Variants in ZFPM2 observed in about 807,000 individuals in gnomAD.
ZFPM2 encodes the protein zinc finger protein, FOG family member 2.
In ZFPM2, 20 loss-of-function variants were observed where a neutral mutation model predicts 98.6. The observed-to-expected ratio is 0.20, with a 90% confidence interval of 0.14 to 0.29. ZFPM2 has a LOEUF of 0.29. Among genes scored for constraint, ZFPM2 ranks in the 10% least tolerant of loss-of-function variants. ZFPM2 has a pLI of 1.00. For missense variants in ZFPM2, 1,310 were observed against 1,388.6 expected (o/e 0.94, Z 0.90); for synonymous variants, 518 against 502.7 (o/e 1.03, Z -0.41).
chr8:105,496,391 C>A (rs893032956), intron 3 of ZFPM2, among the ~76,000 whole-genome samples: 2 of 152,026 alleles, frequency 1.3e-5, no homozygotes, highest in South Asian at 2.1e-4. Context: ...TTTCAAGACA[C>A]TTTTGGAGAG....
intron 2 of ZFPM2, among the ~76,000 whole-genome samples, chr8:105,435,328 T>C (rs982768393): frequency 5.9e-5 from 9 of 152,214 alleles, no homozygotes; most frequent in African/African-American, 2.2e-4. Context: ...TTTATTCCAT[T>C]TCATCATTTT....
chr8:105,437,168 T>G (rs1053934173), intron 2 of ZFPM2, among the ~76,000 whole-genome samples: 2 of 152,188 alleles, frequency 1.3e-5, no homozygotes, highest in African/African-American at 4.8e-5. Flanking sequence ...TTACCTAGTT[T>G]TATAAGTTGC....
intron 3 of ZFPM2, among the ~76,000 whole-genome samples, chr8:105,556,027 C>A (rs555462648): frequency 1.3e-4 from 20 of 152,240 alleles, no homozygotes; most frequent in Admixed American, 6.5e-4. Context: ...AAAATTCAGG[C>A]AGATATGTTC....
intron 5 of ZFPM2, among the ~76,000 whole-genome samples, chr8:105,667,264 A>C (rs1304066774): frequency 6.6e-6 from 1 of 152,174 alleles, no homozygotes. Flanking sequence ...GCTTTCCAAT[A>C]CTTGAAAGTT....
intron 5 of ZFPM2, among the ~76,000 whole-genome samples, chr8:105,723,275 G>A (rs1811714074): frequency 6.6e-6 from 1 of 151,804 alleles, no homozygotes; most frequent in Non-Finnish European, 1.5e-5. Context: ...TTGATTGTTT[G>A]GGGCTTGATG....
intron 1 of ZFPM2, among the ~76,000 whole-genome samples, chr8:105,343,587 C>G (rs183824779): frequency 6.6e-6 from 1 of 152,264 alleles, no homozygotes; most frequent in Admixed American, 6.5e-5. Context: ...ACTGAAAGCA[C>G]TTTTGAGCTC....
intron 1 of ZFPM2, among the ~76,000 whole-genome samples, chr8:105,407,062 G>A (rs1408919851): frequency 6.6e-6 from 1 of 151,572 alleles, no homozygotes; most frequent in Non-Finnish European, 1.5e-5. Flanking sequence ...GAAAGCATAG[G>A]GCCACAGCTG....
intron 5 of ZFPM2, among the ~76,000 whole-genome samples, chr8:105,754,253 T>G (rs1812544833): frequency 6.6e-6 from 1 of 152,086 alleles, no homozygotes. Context: ...TCATTTCTAT[T>G]GATGAGAGGA....
chr8:105,440,156 C>A (rs904806595), intron 2 of ZFPM2, among the ~76,000 whole-genome samples: 1 of 152,108 alleles, frequency 6.6e-6, no homozygotes, highest in Non-Finnish European at 1.5e-5. Flanking sequence ...CTAGTACTTG[C>A]TACCCTTTCT....
Position 105,436,310 on chromosome 8 carries a change from G to A in ZFPM2, c.200-7970G>A, listed in dbSNP as rs1337605694. 1.2e-4 allele frequency among the ~76,000 whole-genome samples: 18 copies of A among 151,958 alleles called. No individual in the cohort carries two copies. In the East Asian group the frequency reaches 1.9e-3, roughly 16 times the overall value. ...TGAAGCAGGCTGGTCACCTGAGGTC[G>A]GGAGTTCGAGACCAGCCTGACCAAC... On this transcript the variant is annotated intron_variant, in intron 2 of 7. Coordinates refer to ENST00000407775, the MANE Select transcript of ZFPM2 (RefSeq NM_012082.4).
chr8:105,781,999 T>A (rs1258185297), intron 5 of ZFPM2, among the ~76,000 whole-genome samples: 1 of 152,184 alleles, frequency 6.6e-6, no homozygotes, highest in Non-Finnish European at 1.5e-5. Flanking sequence ...CTTATTCAAA[T>A]GCCATCTCCC....
At chr8:105,751,438 G>A (rs1812473583) in intron 5 of ZFPM2, among the ~76,000 whole-genome samples, 1 of 151,936 alleles carries the variant, frequency 6.6e-6, no homozygotes, top group Non-Finnish European at 1.5e-5. Context: ...ATCCTTCCTG[G>A]GAAAACTAAA....
intron 5 of ZFPM2, among the ~76,000 whole-genome samples, chr8:105,747,318 A>T (rs1812371389): frequency 6.6e-6 from 1 of 152,094 alleles, no homozygotes; most frequent in Admixed American, 6.6e-5. Flanking sequence ...CTCGAAGGTT[A>T]AGTGGTACAG....
At chr8:105,599,671 A>G (rs963018383) in intron 4 of ZFPM2, among the ~76,000 whole-genome samples, 5 of 152,104 alleles carry the variant, frequency 3.3e-5, no homozygotes, top group Admixed American at 6.6e-5. Context: ...CAGCACAGCC[A>G]TGGAGGCTAT....
At chr8:105,596,993 A>G (rs984756264) in intron 4 of ZFPM2, among the ~76,000 whole-genome samples, 14 of 151,690 alleles carry the variant, frequency 9.2e-5, no homozygotes, top group Non-Finnish European at 2.1e-4. Flanking sequence ...ACATTGGAAT[A>G]TTTTTATTTT....
intron 2 of ZFPM2, among the ~76,000 whole-genome samples, chr8:105,442,763 G>T (rs1812280092): frequency 1.3e-5 from 2 of 151,920 alleles, no homozygotes; most frequent in African/African-American, 2.4e-5. Context: ...GCTACACATA[G>T]AAATGAAAAT....
chr8:105,374,645 C>T (rs1335365277), intron 1 of ZFPM2, among the ~76,000 whole-genome samples: 1 of 152,022 alleles, frequency 6.6e-6, no homozygotes, highest in Non-Finnish European at 1.5e-5. Flanking sequence ...CTCAGCCTCC[C>T]AAATTTTTAT....
At chr8:105,562,683 T>C (rs1360619155) in intron 4 of ZFPM2, among the ~76,000 whole-genome samples, 3 of 152,176 alleles carry the variant, frequency 2.0e-5, no homozygotes, top group South Asian at 4.1e-4. Context: ...CTTTCGCACG[T>C]CCACATTCCA....
intron 4 of ZFPM2, among the ~76,000 whole-genome samples, chr8:105,620,670 A>G (rs188760715): frequency 6.6e-6 from 1 of 152,308 alleles, no homozygotes; most frequent in African/African-American, 2.4e-5. Context: ...TTTAGGTCTA[A>G]CATTTAAGTC....
Sources: gnomAD v4.1 joint callset for allele counts (sites outside exome capture counted in the v4.1 genomes callset) on GRCh38, gnomAD v4.1.1 for gene constraint, MANE v1.5 for transcripts, NCBI Gene and HGNC (gene_info 2026-07-23, HGNC 2026-07-21) for gene names.